CHN1: variants seen among roughly 807,000 people sequenced by gnomAD.
CHN1 encodes N-chimaerin.
A neutral mutation model predicts 59.5 loss-of-function variants in CHN1; 37 were observed. The observed-to-expected ratio is 0.62, with a 90% CI of 0.48 to 0.82. CHN1 has a LOEUF of 0.82. CHN1 is among the 40% of genes least tolerant of loss of function. The pLI, the probability that CHN1 is intolerant of heterozygous loss-of-function variation, is 0.00. For synonymous variants in CHN1, 206 were observed against 200.4 expected, an observed-to-expected ratio of 1.03 and a Z score of -0.24; for missense variants, 469 against 571.0, an observed-to-expected ratio of 0.82 and a Z score of 1.82.
chr2:174,987,406 CTT>C (rs893724969), intron 1 of CHN1, among the ~76,000 whole-genome samples: 22 of 140,690 alleles, frequency 1.6e-4, no homozygotes, highest in Non-Finnish European at 1.9e-4. Context: ...ACTCTTTTTT[CTT>C]TTTTTTTTTT....
intron 5 of CHN1, 28 bp downstream of exon 5, chr2:174,915,030 C>T (rs1241609109): frequency 7.4e-7 from 1 of 1,353,540 alleles, no homozygotes; most frequent in Non-Finnish European, 1.0e-6. Flanking sequence ...AAATAAAGCA[C>T]AGTAGTAATT....
chr2:174,879,598 T>C (rs749915341), intron 5 of CHN1, among the ~76,000 whole-genome samples: 11 of 152,336 alleles, frequency 7.2e-5, no homozygotes, highest in Non-Finnish European at 1.5e-4. Context: ...AAGTTAAATA[T>C]AAAAGTTTTT....
chr2:174,989,575 A>C (rs1691469655), intron 1 of CHN1, among the ~76,000 whole-genome samples: 1 of 151,866 alleles, frequency 6.6e-6, no homozygotes, highest in South Asian at 2.1e-4. Context: ...GGAGTGCTTG[A>C]GCCCAGAACT....
chr2:174,966,447 C>T (rs987915802), intron 1 of CHN1, among the ~76,000 whole-genome samples: 8 of 152,090 alleles, frequency 5.3e-5, no homozygotes, highest in Non-Finnish European at 7.4e-5. Flanking sequence ...TTCCTGACCA[C>T]GGACCCACAG....
At chr2:174,948,144 A>C (rs1037417943) in intron 2 of CHN1, among the ~76,000 whole-genome samples, 1 of 152,240 alleles carries the variant, frequency 6.6e-6, no homozygotes, top group Non-Finnish European at 1.5e-5. Flanking sequence ...TGAAGTCAAA[A>C]TTGGTCCACA....
In CHN1 at chr2:174,798,839, T is replaced by C. The variant is rs1257964384; in HGVS notation, c.*1277A>G. Among the ~76,000 whole-genome samples the C allele has an allele frequency of 1.3e-5, 2 of 152,240 alleles. No individual in the cohort carries two copies. Among genetic ancestry groups the C allele is most frequent in the Non-Finnish European group, 1.5e-5 (1 of 68,038 alleles). On this transcript the variant is annotated 3_prime_UTR_variant, in exon 13 of 13. Transcript: ENST00000409900. ...ACATGTGTCTTTTATTGTTAAAAAT[T>C]TGAAAACAGGATGGAACTTTCGTTC...
chr2:174,965,996 T>C (rs757958483), intron 1 of CHN1, among the ~76,000 whole-genome samples: 1 of 152,196 alleles, frequency 6.6e-6, no homozygotes, highest in Non-Finnish European at 1.5e-5. Flanking sequence ...AAATGGCTCC[T>C]AATAACATAC....
Position 174,877,889 on chromosome 2 carries a change from G to A in CHN1, c.500C>T (p.Thr167Ile), listed in dbSNP as rs752956891. 94 of 1,613,740 alleles carry A rather than the reference G, an allele frequency of 5.8e-5. No homozygotes were observed. The highest frequency in any genetic ancestry group is 7.6e-5 in the Non-Finnish European group (90 of 1,179,762). The change falls in exon 6 of 13, where the codon ACA becomes ATA. Residue 167 changes from threonine to isoleucine, a missense_variant. Coordinates refer to ENST00000409900, the MANE Select transcript of CHN1 (RefSeq NM_001822.7). The part of the protein sequence containing the change: ...YKKHMPVLKE[T>I]HDERDSTGQD... ...GCCTGTAGAATCTCTCTCATCATGT[G>A]TCTCTTTCAGGACTGGCATATGTTT...
intron 1 of CHN1, among the ~76,000 whole-genome samples, chr2:174,964,597 G>A (rs6707115): frequency 7.0e-4 from 106 of 152,254 alleles, no homozygotes; most frequent in African/African-American, 2.4e-3. Context: ...ATAGCTTTGT[G>A]GCAAACTTAC....
chr2:174,800,784 T>C lies in CHN1; in HGVS notation c.1209-497A>G, dbSNP rs1684695911. Among the ~76,000 whole-genome samples the C allele has an allele frequency of 3.9e-5, 6 of 152,228 alleles. No individual in the cohort carries two copies. The South Asian group carries it at 1.2e-3, about 32-fold the overall frequency. On this transcript the variant is annotated intron_variant, in intron 12 of 12. Coordinates refer to ENST00000409900, the MANE Select transcript of CHN1 (RefSeq NM_001822.7). ...TCAGGGAGGGTATGTGTTTATATGC[T>C]TTTTACCACTGCACAGTAACACAGA...
chr2:174,926,362 A>C (rs1356588343), intron 3 of CHN1, among the ~76,000 whole-genome samples: 2 of 151,890 alleles, frequency 1.3e-5, no homozygotes, highest in Non-Finnish European at 2.9e-5. Flanking sequence ...CCACCACATC[A>C]AGCTGATGAT....
At chr2:174,934,730 A>G (rs752681378) in intron 3 of CHN1, among the ~76,000 whole-genome samples, 5 of 152,244 alleles carry the variant, frequency 3.3e-5, no homozygotes, top group Non-Finnish European at 7.3e-5. Flanking sequence ...AGTTTTGCCA[A>G]GCAAGTATGA....
intron 1 of CHN1, among the ~76,000 whole-genome samples, chr2:174,987,703 G>A (rs1055413230): frequency 2.0e-5 from 3 of 152,048 alleles, no homozygotes; most frequent in African/African-American, 7.2e-5. Context: ...TAAAGTGCTG[G>A]GATTATAAGC....
chr2:174,853,359 A>T (rs897830522), intron 6 of CHN1, among the ~76,000 whole-genome samples: 6 of 152,152 alleles, frequency 3.9e-5, no homozygotes, highest in Non-Finnish European at 8.8e-5. Context: ...TATCATCACT[A>T]ATCATCAGAG....
At position 175,005,307 on chromosome 2, in the gene CHN1, C is replaced by T; in HGVS notation, c.-395G>A. On this transcript the variant is annotated 5_prime_UTR_variant, in exon 1 of 13. Coordinates refer to ENST00000409900, the MANE Select transcript of CHN1 (RefSeq NM_001822.7). ...GACGGGGAGAGCAGCAGCAGCCTCG[C>T]ACAGCCCCCGGCGGGGCGCGCTCAC... 4 of 1,196,306 alleles carry T rather than the reference C, an allele frequency of 3.3e-6. No individual in the cohort carries two copies. Among genetic ancestry groups the T allele is most frequent in the South Asian group, 1.7e-5 (1 of 60,042 alleles). The allele number at this position is 1,196,306 out of a possible 1,614,324, so 74.1% of individuals were successfully genotyped here.
At chr2:174,825,401 C>T (rs1408722529) in intron 7 of CHN1, among the ~76,000 whole-genome samples, 2 of 152,116 alleles carry the variant, frequency 1.3e-5, no homozygotes, top group Non-Finnish European at 2.9e-5. Context: ...TTATCAGGAA[C>T]CTCGTTTGAG....
intron 5 of CHN1, among the ~76,000 whole-genome samples, chr2:174,911,406 G>C (rs1688696872): frequency 6.6e-6 from 1 of 152,114 alleles, no homozygotes; most frequent in Non-Finnish European, 1.5e-5. Context: ...TCATAACCAA[G>C]TGCCTGGCTA....
At chr2:174,868,588 T>C (rs1329847103) in intron 6 of CHN1, among the ~76,000 whole-genome samples, 1 of 152,220 alleles carries the variant, frequency 6.6e-6, no homozygotes, top group Non-Finnish European at 1.5e-5. Context: ...GTTCTGCCTA[T>C]AGTAACATTC....
At chr2:174,867,960 A>C (rs1466368302) in intron 6 of CHN1, among the ~76,000 whole-genome samples, 1 of 152,168 alleles carries the variant, frequency 6.6e-6, no homozygotes, top group Non-Finnish European at 1.5e-5. Context: ...TACTTAAAAT[A>C]AAAATATAAA....
Sources: gnomAD v4.1 joint callset for allele counts (sites outside exome capture counted in the v4.1 genomes callset) on GRCh38, gnomAD v4.1.1 for gene constraint, MANE v1.5 for transcripts, NCBI Gene and HGNC (gene_info 2026-07-23, HGNC 2026-07-21) for gene names.